SYNM: variants seen among roughly 807,000 people sequenced by gnomAD.
SYNM encodes the protein desmuslin.
Under a neutral mutation model 104.0 loss-of-function variants are expected in SYNM, and 95 were observed. The ratio of observed to expected loss-of-function variants is 0.91; its 90% CI spans 0.77 to 1.08. The LOEUF is 1.08. Ranked by LOEUF, SYNM falls within the 50% of genes least tolerant of loss-of-function variation. SYNM has a pLI of 0.00. For missense variants in SYNM, 2,150 were observed against 2,052.2 expected (o/e 1.05, Z -0.92); for synonymous variants, 918 against 869.0 (o/e 1.06, Z -0.99).
downstream of SYNM, chr15:99,137,633 A>C (rs2067695730): frequency 1.1e-5 from 2 of 189,068 alleles, no homozygotes; most frequent in Non-Finnish European, 1.1e-5. Context: ...TTCACTGTCC[A>C]GATCTAACTC....
rs531787440 is a variant in SYNM at position 99,121,050 on chromosome 15, T to C, written c.936-5672T>C. ...CAAAGGGATGTGGGGTTTGGGCCTTTGGGTGGTGGGGGAAGTGGGGAGATG... is the reference window on the plus strand; with the variant it reads ...CAAAGGGATGTGGGGTTTGGGCCTTCGGGTGGTGGGGGAAGTGGGGAGATG... On this transcript the variant is annotated intron_variant, in intron 2 of 3. Coordinates refer to ENST00000336292, the MANE Select transcript of SYNM (RefSeq NM_145728.3). 3.9e-5 allele frequency among the ~76,000 whole-genome samples: 6 copies of C among 152,012 alleles called. No individual in the cohort carries two copies. The South Asian group carries it at 1.2e-3, about 32-fold the overall frequency.
the SYNM span, among the ~76,000 whole-genome samples, chr15:99,141,410 C>T: frequency 6.6e-6 from 1 of 151,938 alleles, no homozygotes; most frequent in African/African-American, 2.4e-5. Flanking sequence ...GGAATGATAT[C>T]AAATTTAAAA....
Position 99,105,653 on chromosome 15 carries a change from G to T in SYNM, c.454G>T (p.Val152Leu). 7.2e-7 allele frequency: 1 copy of T among 1,389,208 alleles called. No individual in the cohort carries two copies. The highest frequency in any genetic ancestry group is 9.3e-7 in the Non-Finnish European group (1 of 1,072,190). The allele number at this position is 1,389,208 out of a possible 1,614,324, so 86.1% of individuals were successfully genotyped here. ...CCTCGACGCGGCCCACGAACGCGACGTGAGGGAGCTGCGCGCGCGCGCCGC... is the reference window on the plus strand; with the variant it reads ...CCTCGACGCGGCCCACGAACGCGACTTGAGGGAGCTGCGCGCGCGCGCCGC... ...RGLDAAHERD[V>L]RELRARAASL... The change falls in exon 1 of 4, where the codon GTG becomes TTG. Residue 152 changes from valine (V) to leucine (L), a missense_variant. By Grantham distance (32) the Val-to-Leu change is conservative. Transcript: ENST00000336292.
Position 99,113,723 on chromosome 15 carries a change from G to A in SYNM, c.935+8G>A. Reference sequence around the variant, plus strand: ...GGAGGTGGCGACCTACCGGTAAGGAGACTGTGCTGAGTTGGCCTTGACGAA... The same window carrying A: ...GGAGGTGGCGACCTACCGGTAAGGAAACTGTGCTGAGTTGGCCTTGACGAA... On this transcript the variant is annotated splice_region_variant and intron_variant, in intron 2 of 3. Transcript: ENST00000336292. 1 of 1,613,464 alleles carries A rather than the reference G, an allele frequency of 6.2e-7. No individual in the cohort carries two copies. The highest frequency in any genetic ancestry group is 2.2e-5 in the East Asian group (1 of 44,864).
chr15:99,109,860 G>A (rs533091442), intron 1 of SYNM, among the ~76,000 whole-genome samples: 4 of 152,248 alleles, frequency 2.6e-5, no homozygotes, highest in African/African-American at 9.6e-5. Context: ...CAGTGAACAG[G>A]GGGTAGAGTG....
chr15:99,133,160 C>G lies in SYNM; in HGVS notation c.*102C>G, dbSNP rs577513971. The G allele has an allele frequency of 9.8e-5, 148 of 1,516,776 alleles. 1 individual carries two copies. The highest frequency in any genetic ancestry group is 7.8e-4 in the South Asian group (62 of 79,244). 94.0% of individuals were successfully genotyped at this position (1,516,776 alleles called of 1,614,324 possible). A position where few individuals can be genotyped will look rare whatever the true frequency, so the allele number is the denominator to read the frequency against. On this transcript the variant is annotated 3_prime_UTR_variant, in exon 4 of 4. Transcript: ENST00000336292. ...GGCCGAGGGAGTCTATGAAAATCTC[C>G]CCTTTTTTACTTTTTTAAAGAGTAC... is the stretch of plus-strand genomic sequence containing the variant.
Position 99,105,374 on chromosome 15 carries a change from C to A in SYNM, c.175C>A (p.Arg59Ser). The A allele has an allele frequency of 6.6e-7, 1 of 1,522,954 alleles. No homozygotes were observed. The highest frequency in any genetic ancestry group is 1.4e-5 in the African/African-American group (1 of 70,710). The allele number at this position is 1,522,954 out of a possible 1,614,324, so 94.3% of individuals were successfully genotyped here. A position where few individuals can be genotyped will look rare whatever the true frequency, so the allele number is the denominator to read the frequency against. ...REGLWAEGQA[R>S]CAEEARSLRQ... is the part of the protein sequence containing the mutation. ...GGGCCTGTGGGCCGAGGGGCAGGCC[C>A]GCTGCGCCGAGGAGGCGCGCAGCTT... The change falls in exon 1 of 4, where the codon CGC becomes AGC. Residue 59 changes from arginine to serine, a missense_variant. Transcript: ENST00000336292.
In SYNM at chr15:99,132,737, G is replaced by C. The variant is rs141276249; in HGVS notation, c.4377G>C (p.Ser1459=). The part of the protein sequence containing the change: ...RHIAPGPKET[S]FTFQMDVSNV... ...TTGCACCAGGGCCCAAAGAAACTTC[G>C]TTTACCTTTCAGATGGATGTGAGTA... The change falls in exon 4 of 4, where the codon TCG becomes TCC. Residue 1459 remains serine (S), a synonymous_variant. Transcript: ENST00000336292. The C allele has an allele frequency of 4.3e-6, 7 of 1,613,798 alleles. No individual in the cohort carries two copies. The highest frequency in any genetic ancestry group is 2.2e-5 in the East Asian group (1 of 44,886).
At chr15:99,115,467 C>CTTT (rs1239411620) in intron 2 of SYNM, among the ~76,000 whole-genome samples, 11,045 of 98,666 alleles carry the variant, frequency 0.11, 557 homozygotes, top group African/African-American at 0.15. Context: ...TTATTTTATT[C>CTTT]TATTTTTTTT....
chr15:99,130,073 C>A lies in SYNM; in HGVS notation c.1713C>A (p.Ser571Arg). ...AGAAGGACTCACCGAAGGAGAAGAG[C>A]GTGCGAGAGAGAGAGGTGCCGATTA... Reference protein sequence around the residue: ...AKEKDSPKEKSVREREVPISL... With the variant: ...AKEKDSPKEKRVREREVPISL... Residue 571 changes from serine (S) to arginine (R), a missense_variant, in exon 4 of 4, where the codon AGC becomes AGA. By Grantham distance (110) the Ser-to-Arg change is moderately radical. Transcript: ENST00000336292. 6.2e-7 allele frequency: 1 copy of A among 1,613,758 alleles called. No individual in the cohort carries two copies. The highest frequency in any genetic ancestry group is 1.3e-5 in the African/African-American group (1 of 74,962).
chr15:99,127,398 G>A (rs190389788), intron 3 of SYNM, among the ~76,000 whole-genome samples: 20 of 152,304 alleles, frequency 1.3e-4, no homozygotes, highest in Admixed American at 9.8e-4. Context: ...TCATTAGAAA[G>A]ATCCTAAGAA....
rs1555482397 is a variant in SYNM, at chr15:99,105,426, G to GGGCCA, written c.228_232dup (p.Thr78ArgfsTer77). 1.3e-5 allele frequency: 19 copies of GGGCCA among 1,480,576 alleles called. No homozygotes were observed. The highest frequency in any genetic ancestry group is 1.6e-5 in the Non-Finnish European group (18 of 1,122,576). 91.7% of individuals were successfully genotyped at this position (1,480,576 alleles called of 1,614,324 possible). A position where few individuals can be genotyped will look rare whatever the true frequency, so the allele number is the denominator to read the frequency against. On this transcript the variant is annotated frameshift_variant, in exon 1 of 4. Coordinates refer to ENST00000336292, the MANE Select transcript of SYNM (RefSeq NM_145728.3). LOFTEE classifies it high-confidence loss of function. ...CGGCAGCAGCTGGACGAGCTGAGCT[G>GGGCCA]GGCCACTGCGCTGGCGGAGGGCGAG...
chr15:99,137,825 G>T, downstream of SYNM: 2 of 890,384 alleles, frequency 2.2e-6, no homozygotes, highest in South Asian at 1.8e-5. Flanking sequence ...ACCCTGAAGG[G>T]CATCCACTGT....
rs1025555510 is a variant in SYNM at position 99,133,187 on chromosome 15, C to G, written c.*129C>G. ...CTTTTTTACTTTTTTAAAGAGTACT[C>G]CCGGCATGGTCAATTTCCTTTATAG... is the stretch of plus-strand genomic sequence containing the variant. On this transcript the variant is annotated 3_prime_UTR_variant, in exon 4 of 4. Transcript: ENST00000336292. The G allele has an allele frequency of 2.0e-6, 3 of 1,467,188 alleles. No homozygotes were observed. Among genetic ancestry groups the G allele is most frequent in the South Asian group, 1.4e-5 (1 of 71,538 alleles). The allele number at this position is 1,467,188 out of a possible 1,614,324, so 90.9% of individuals were successfully genotyped here.
Position 99,105,662 on chromosome 15 carries a change from C to G in SYNM, c.463C>G (p.Leu155Val), listed in dbSNP as rs1191375087. 73 of 1,399,590 alleles carry G rather than the reference C, an allele frequency of 5.2e-5. No individual in the cohort carries two copies. The highest frequency in any genetic ancestry group is 1.5e-4 in the Admixed American group (5 of 32,874). The allele number at this position is 1,399,590 out of a possible 1,614,324, so 86.7% of individuals were successfully genotyped here. Reference sequence around the variant, plus strand: ...GGCCCACGAACGCGACGTGAGGGAGCTGCGCGCGCGCGCCGCCAGCCTTAC... The same window carrying G: ...GGCCCACGAACGCGACGTGAGGGAGGTGCGCGCGCGCGCCGCCAGCCTTAC... Reference protein sequence around the residue: ...DAAHERDVRELRARAASLTMH... With the variant: ...DAAHERDVREVRARAASLTMH... The change falls in exon 1 of 4, where the codon CTG (leucine) becomes GTG (valine). Residue 155 changes from leucine to valine, a missense_variant. Physicochemically the swap from Leu to Val is conservative, Grantham distance 32. Coordinates refer to ENST00000336292, the MANE Select transcript of SYNM (RefSeq NM_145728.3).
At position 99,132,228 on chromosome 15, in the gene SYNM, G is replaced by A; in HGVS notation, c.3868G>A (p.Gly1290Ser). ...TCCACTTTCAGACAAGGTGGAGTTG[G>A]GTGTCATAGGAGATTCTGTACACAT... The part of the protein sequence containing the change: ...TAPLSDKVEL[G>S]VIGDSVHMEG... The change falls in exon 4 of 4, where the codon GGT becomes AGT. Residue 1290 changes from glycine (G) to serine (S), a missense_variant. Physicochemically the swap from Gly to Ser is moderately conservative, Grantham distance 56. Coordinates refer to ENST00000336292, the MANE Select transcript of SYNM (RefSeq NM_145728.3). The A allele has an allele frequency of 6.2e-7, 1 of 1,611,900 alleles. No homozygotes were observed. Among genetic ancestry groups the A allele is most frequent in the Middle Eastern group, 1.7e-4 (1 of 6,058 alleles).
rs1376968201 is a variant in SYNM, at chr15:99,129,480, CT to C, written c.1121del (p.Leu374ArgfsTer62). ...PLASFNHSSA[L>X]YSNLSGHRGS... ...GGCAAGTTTCAATCACAGCTCGGCA[CT>C]GTATTCTAACCTGTCAGGGCACCGT... On this transcript the variant is annotated frameshift_variant, in exon 4 of 4. Coordinates refer to ENST00000336292, the MANE Select transcript of SYNM (RefSeq NM_145728.3). LOFTEE classifies it low-confidence loss of function (END_TRUNC). 3.1e-6 allele frequency: 5 copies of C among 1,613,994 alleles called. No homozygotes were observed. The highest frequency in any genetic ancestry group is 4.2e-6 in the Non-Finnish European group (5 of 1,179,892).
At chr15:99,108,252 G>A (rs1555483054) in intron 1 of SYNM, among the ~76,000 whole-genome samples, 4 of 152,104 alleles carry the variant, frequency 2.6e-5, no homozygotes, top group African/African-American at 9.7e-5. Context: ...TGAAATTACA[G>A]GTGTGAGCCA....
chr15:99,115,929 C>T (rs943780575), intron 2 of SYNM, among the ~76,000 whole-genome samples: 1 of 152,264 alleles, frequency 6.6e-6, no homozygotes, highest in South Asian at 2.1e-4. Context: ...TCATCTGAGC[C>T]CTCACTCCCA....
Sources: allele counts gnomAD v4.1 joint callset (sites outside exome capture counted in the v4.1 genomes callset), GRCh38; gene constraint gnomAD v4.1.1; transcripts MANE v1.5; gene names NCBI Gene and HGNC (gene_info 2026-07-23, HGNC 2026-07-21).